GEMIN5: variants seen among roughly 807,000 people sequenced by gnomAD.
GEMIN5 encodes the protein gem nuclear organelle associated protein 5.
Under a neutral mutation model 176.9 loss-of-function variants are expected in GEMIN5, and 124 were observed. That is an observed-to-expected ratio of 0.70 (90% CI 0.61 to 0.81). GEMIN5 has a LOEUF of 0.81. GEMIN5 is among the 40% of genes least tolerant of loss of function. GEMIN5 has a pLI of 0.00. For synonymous variants in GEMIN5, 673 were observed against 665.2 expected, an observed-to-expected ratio of 1.01 and a Z score of -0.18; for missense variants, 1,843 against 1,814.6, an observed-to-expected ratio of 1.02 and a Z score of -0.28.
intron 11 of GEMIN5, among the ~76,000 whole-genome samples, chr5:154,919,665 A>T (rs934484523): frequency 6.6e-6 from 1 of 152,352 alleles, no homozygotes; most frequent in South Asian, 2.1e-4. Context: ...ATAACACCTG[A>T]AAGTTTATAA....
chr5:154,920,713 A>G (rs1010981799), intron 10 of GEMIN5, among the ~76,000 whole-genome samples: 9 of 152,224 alleles, frequency 5.9e-5, no homozygotes, highest in African/African-American at 1.9e-4. Flanking sequence ...AAATCTACTT[A>G]TCCTCTCTAT....
chr5:154,919,731 TTTTA>T (rs1283509460), intron 11 of GEMIN5, among the ~76,000 whole-genome samples: 1 of 152,210 alleles, frequency 6.6e-6, no homozygotes, highest in African/African-American at 2.4e-5. Context: ...TTTTTGGCTT[TTTTA>T]TTTTTTTGCC....
rs1222629358 is a variant in GEMIN5, at chr5:154,896,195, T to G, written c.3494A>C (p.Lys1165Thr). ...AGGGGTGTCAAGGCTGAAGATGCTC[T>G]TCCACACTGCAGTCACCCTCTCCAC... ...PFVERVTAVW[K>T]SIFSLDTPEQ... is the part of the protein sequence containing the mutation. Residue 1165 changes from lysine (K) to threonine (T), a missense_variant, in exon 24 of 28, where the codon AAG becomes ACG. Lys to Thr is a moderately conservative substitution (Grantham distance 78). Transcript: ENST00000285873. The G allele has an allele frequency of 6.2e-7, 1 of 1,614,052 alleles. No individual in the cohort carries two copies. Among genetic ancestry groups the G allele is most frequent in the Admixed American group, 1.7e-5 (1 of 60,004 alleles).
At chr5:154,904,053 C>A (rs1292504625) in intron 18 of GEMIN5, among the ~76,000 whole-genome samples, 1 of 151,766 alleles carries the variant, frequency 6.6e-6, no homozygotes, top group African/African-American at 2.4e-5. Flanking sequence ...ATAAAACAAC[C>A]CTTCAAAACA....
chr5:154,920,064 C>T lies in GEMIN5; in HGVS notation c.1502G>A (p.Cys501Tyr), dbSNP rs1464493347. ...GDRPSLALYS[C>Y]GGEGIVLQHN... ...CTGTAAGACAATCCCTTCTCCTCCA[C>T]AGCTGTATAAAGCAAGGGAAGGTCT... Residue 501 changes from cysteine to tyrosine, a missense_variant, in exon 11 of 28, where the codon TGT (cysteine) becomes TAT (tyrosine). Transcript: ENST00000285873. 6.2e-7 allele frequency: 1 copy of T among 1,613,190 alleles called. No individual in the cohort carries two copies. Among genetic ancestry groups the T allele is most frequent in the Non-Finnish European group, 8.5e-7 (1 of 1,179,180 alleles).
rs185245581 is a variant in GEMIN5, at chr5:154,894,869, T to C, written c.3597+1223A>G. On this transcript the variant is annotated intron_variant, in intron 24 of 27. Coordinates refer to ENST00000285873, the MANE Select transcript of GEMIN5 (RefSeq NM_015465.5). ...TTGCAGTGAGCCAAGATCATGCCAC[T>C]GTACTCCAGCCCGGGTGACAGAGTG... Among the ~76,000 whole-genome samples the C allele has an allele frequency of 1.4e-3, 213 of 151,016 alleles. 1 individual carries two copies. Among genetic ancestry groups the C allele is most frequent in the African/African-American group, 5.0e-3 (205 of 40,992 alleles).
rs755664358 is a variant in GEMIN5, at chr5:154,919,920, G to C, written c.1599+47C>G. Reference sequence around the variant, plus strand: ...ATTTTGCAAGATGGGAAACACAGAGGGATCTGTGATGTAAAAAGAAAATAC... The same window carrying C: ...ATTTTGCAAGATGGGAAACACAGAGCGATCTGTGATGTAAAAAGAAAATAC... On this transcript the variant is annotated intron_variant, in intron 11 of 27. Transcript: ENST00000285873. 82 of 1,534,550 alleles carry C rather than the reference G, an allele frequency of 5.3e-5. No homozygotes were observed. The Admixed American group carries it at 1.5e-3, about 27-fold the overall frequency.
chr5:154,894,663 T>C (rs1371616920), intron 24 of GEMIN5, among the ~76,000 whole-genome samples: 1 of 151,228 alleles, frequency 6.6e-6, no homozygotes, highest in Admixed American at 6.6e-5. Flanking sequence ...TCCCAGCACT[T>C]TGGGAGGCCG....
intron 2 of GEMIN5, 112 bp from the exon 3 acceptor site, chr5:154,936,134 C>T (rs1161095308): frequency 2.1e-5 from 14 of 681,086 alleles, no homozygotes; most frequent in South Asian, 4.0e-5. Flanking sequence ...GTAATTAATA[C>T]GGCCGGGCGC....
chr5:154,938,207 G>C lies in GEMIN5; in HGVS notation c.-74C>G. 1 of 1,209,790 alleles carries C rather than the reference G, an allele frequency of 8.3e-7. No homozygotes were observed. 74.9% of individuals were successfully genotyped at this position (1,209,790 alleles called of 1,614,324 possible). ...TAGCCTCACGCCTTAGGTAGGGAGC[G>C]GGGCGGGGTGAACTCCGAGCCCCGC... On this transcript the variant is annotated 5_prime_UTR_variant, in exon 1 of 28. Transcript: ENST00000285873.
chr5:154,915,103 C>T lies in GEMIN5; in HGVS notation c.1855+1895G>A, dbSNP rs12332539. Reference sequence around the variant, plus strand: ...AGAATCCCAATAATAATCATAAGGACCAGAATCAGCTTTCTAACTTATGTT... The same window carrying T: ...AGAATCCCAATAATAATCATAAGGATCAGAATCAGCTTTCTAACTTATGTT... On this transcript the variant is annotated intron_variant, in intron 13 of 27. Coordinates refer to ENST00000285873, the MANE Select transcript of GEMIN5 (RefSeq NM_015465.5). Among the ~76,000 whole-genome samples the T allele has an allele frequency of 3.4e-3, 515 of 152,206 alleles. 6 individuals are homozygous for T. Among genetic ancestry groups the T allele is most frequent in the African/African-American group, 0.012 (503 of 41,514 alleles).
intron 2 of GEMIN5, 67 bp downstream of exon 2, chr5:154,936,958 C>T: frequency 7.9e-7 from 1 of 1,273,662 alleles, no homozygotes; most frequent in Non-Finnish European, 1.1e-6. Context: ...GCAAAACTAG[C>T]TTGCAACAGA....
At position 154,896,170 on chromosome 5, in the gene GEMIN5, A is replaced by G. The variant is rs147817295; in HGVS notation, c.3519T>C (p.Pro1173=). Residue 1173 remains proline (P), a synonymous_variant, in exon 24 of 28, where the codon CCT becomes CCC. Coordinates refer to ENST00000285873, the MANE Select transcript of GEMIN5 (RefSeq NM_015465.5). ...TCTGAAAGGCTTCCTGATACTGCTC[A>G]GGGGTGTCAAGGCTGAAGATGCTCT... is the stretch of plus-strand genomic sequence containing the variant. ...VWKSIFSLDT[P]EQYQEAFQKL... 2.5e-4 allele frequency: 399 copies of G among 1,613,950 alleles called. No homozygotes were observed. Among genetic ancestry groups the G allele is most frequent in the Non-Finnish European group, 3.1e-4 (360 of 1,179,986 alleles).
Position 154,896,100 on chromosome 5 carries a change from C to T in GEMIN5, c.3589G>A (p.Ala1197Thr). ...TGGTACAGATGGCTTACCTGTTTGG[C>T]AGGTGTGTTATTTGTAGCAGATGGG... ...KYPSATNNTP[A>T]KQLLLHICHD... Residue 1197 changes from alanine to threonine, a missense_variant, in exon 24 of 28, where the codon GCC becomes ACC. Ala to Thr is a moderately conservative substitution (Grantham distance 58). Coordinates refer to ENST00000285873, the MANE Select transcript of GEMIN5 (RefSeq NM_015465.5). 4.3e-6 allele frequency: 7 copies of T among 1,613,114 alleles called. No homozygotes were observed. Among genetic ancestry groups the T allele is most frequent in the Non-Finnish European group, 5.9e-6 (7 of 1,179,646 alleles).
At chr5:154,931,686 G>A in intron 4 of GEMIN5, 109 bp from the exon 5 acceptor site, 1 of 833,550 alleles carries the variant, frequency 1.2e-6, no homozygotes. Context: ...TCATAGGTCT[G>A]AACTATAAAA....
rs542229903 is a variant in GEMIN5, at chr5:154,894,751, C to CA, written c.3597+1340dup. The stretch of plus-strand genomic sequence containing the variant: ...GAAACCCCTGTCTCTACTAAAAATA[C>CA]AAAAAATTAGCCGGGCATGGTGGCA... On this transcript the variant is annotated intron_variant, in intron 24 of 27. Transcript: ENST00000285873. 4.6e-5 allele frequency among the ~76,000 whole-genome samples: 7 copies of CA among 152,056 alleles called. No homozygotes were observed. The East Asian group carries it at 1.4e-3, about 30-fold the overall frequency.
At chr5:154,933,185 T>C (rs990057235) in intron 3 of GEMIN5, among the ~76,000 whole-genome samples, 3 of 152,258 alleles carry the variant, frequency 2.0e-5, no homozygotes, top group Non-Finnish European at 2.9e-5. Flanking sequence ...TCTTCTCCTT[T>C]TCTTCCTCTA....
intron 8 of GEMIN5, among the ~76,000 whole-genome samples, chr5:154,925,641 C>T (rs1295694205): frequency 2.6e-5 from 4 of 152,126 alleles, no homozygotes; most frequent in Non-Finnish European, 5.9e-5. Flanking sequence ...TAACTTCTTA[C>T]TATTAGAAAA....
At position 154,892,597 on chromosome 5, in the gene GEMIN5, C is replaced by T. The variant is rs773920375; in HGVS notation, c.3598-48G>A. The T allele has an allele frequency of 3.3e-5, 51 of 1,564,492 alleles. No homozygotes were observed. The East Asian group carries it at 6.1e-4, about 19-fold the overall frequency. ...GAGTTAAACATCCTCCCACGGTAGG[C>T]GCAGAGGATGCCACCAAACTGTTCC... On this transcript the variant is annotated intron_variant, in intron 24 of 27. Coordinates refer to ENST00000285873, the MANE Select transcript of GEMIN5 (RefSeq NM_015465.5).
Sources: gnomAD v4.1 joint callset for allele counts (sites outside exome capture counted in the v4.1 genomes callset) on GRCh38, gnomAD v4.1.1 for gene constraint, MANE v1.5 for transcripts, NCBI Gene and HGNC (gene_info 2026-07-23, HGNC 2026-07-21) for gene names.